Variants in FRYL observed in about 807,000 individuals in gnomAD.
FRYL encodes the protein FRY like transcription coactivator.
A neutral mutation model predicts 351.2 loss-of-function variants in FRYL; 150 were observed. The observed-to-expected ratio is 0.43, with a 90% CI of 0.37 to 0.49. The LOEUF (loss-of-function observed/expected upper bound fraction) is 0.49, where lower values mean the gene tolerates loss of function less well. Ranked by LOEUF, FRYL falls within the 20% of genes least tolerant of loss-of-function variation. The pLI is 0.00. For missense variants in FRYL, 3,036 were observed against 3,619.3 expected (o/e 0.84, Z 4.13); for synonymous variants, 1,153 against 1,257.1 (o/e 0.92, Z 1.75).
intron 1 of FRYL, among the ~76,000 whole-genome samples, chr4:48,763,106 TAAAAAAAAA>T (rs10683757): frequency 1.1e-5 from 1 of 91,536 alleles, no homozygotes; most frequent in African/African-American, 4.1e-5. Flanking sequence ...TACAGATCTG[TAAAAAAAAA>T]AAAAAAAAAA....
intron 48 of FRYL, 43 bp downstream of exon 48, chr4:48,535,614 C>CACACACAA: frequency 1.0e-6 from 1 of 981,712 alleles, no homozygotes; most frequent in Non-Finnish European, 1.5e-6. Flanking sequence ...CACACACACA[C>CACACACAA]ATATATATAT....
At chr4:48,674,997 C>T (rs537650606) in intron 3 of FRYL, among the ~76,000 whole-genome samples, 15 of 152,284 alleles carry the variant, frequency 9.9e-5, no homozygotes, top group African/African-American at 3.4e-4. Context: ...GTCTTTTTGC[C>T]TAAAACGAAA....
rs142624166 is a variant in FRYL at position 48,764,210 on chromosome 4, T to C, written c.-384+15868A>G. 4.6e-5 allele frequency among the ~76,000 whole-genome samples: 7 copies of C among 151,864 alleles called. No homozygotes were observed. In the East Asian group the frequency reaches 1.4e-3, roughly 29 times the overall value. On this transcript the variant is annotated intron_variant, in intron 1 of 63. Coordinates refer to ENST00000358350, the MANE Select transcript of FRYL (RefSeq NM_015030.2). ...AATAAATAAATTAAATTCAGTTAAGTTGCAAGATACAAAATCAACAGACAC... is the reference window on the plus strand; with the variant it reads ...AATAAATAAATTAAATTCAGTTAAGCTGCAAGATACAAAATCAACAGACAC...
intron 60 of FRYL, among the ~76,000 whole-genome samples, chr4:48,505,087 T>C (rs1189957580): frequency 6.6e-6 from 1 of 152,184 alleles, no homozygotes; most frequent in Non-Finnish European, 1.5e-5. Context: ...TATAATGCTG[T>C]TGTTTTCACT....
rs145222129 is a variant in FRYL, at chr4:48,658,902, C to T, written c.-80-24412G>A. On this transcript the variant is annotated intron_variant, in intron 3 of 63. Transcript: ENST00000358350. The stretch of plus-strand genomic sequence containing the variant: ...ATCACTTCATATTTTTCTTTGAAAC[C>T]TCATTAAATACCACAACAAAATGCT... Among the ~76,000 whole-genome samples the T allele has an allele frequency of 1.3e-4, 20 of 151,980 alleles. No homozygotes were observed. The East Asian group carries it at 3.9e-3, about 29-fold the overall frequency.
At chr4:48,632,179 T>G (rs1753343931) in intron 4 of FRYL, among the ~76,000 whole-genome samples, 1 of 138,362 alleles carries the variant, frequency 7.2e-6, no homozygotes, top group South Asian at 2.3e-4. Flanking sequence ...AATTGAGAAC[T>G]GGTAGGACTG....
At chr4:48,565,415 T>C (rs1736558888) in intron 29 of FRYL, 116 bp downstream of exon 29, 1 of 677,676 alleles carries the variant, frequency 1.5e-6, no homozygotes, top group Admixed American at 3.8e-5. Flanking sequence ...GTTTTGAATA[T>C]GGCAGAAAAA....
At position 48,547,769 on chromosome 4, in the gene FRYL, C is replaced by A; in HGVS notation, c.4889G>T (p.Gly1630Val). ...LHLLLHAIFI[G>V]FDHCHPEVYE... ...CACCTCAGGGTGGCAGTGGTCAAAC[C>A]CTAAAAAGGATAGTAGAGAAACATT... The change falls in exon 41 of 64, where the codon GGG becomes GTG. Residue 1630 changes from glycine (G) to valine (V), a missense_variant and splice_region_variant. Physicochemically the swap from Gly to Val is moderately radical, Grantham distance 109. This residue lies in a region of FRYL where 1,987 missense variants were observed against 2,311.7 expected (regional missense o/e 0.86). Transcript: ENST00000358350. 6.8e-6 allele frequency: 10 copies of A among 1,464,376 alleles called. No homozygotes were observed. The highest frequency in any genetic ancestry group is 4.6e-5 in the South Asian group (3 of 64,610). 90.7% of individuals were successfully genotyped at this position (1,464,376 alleles called of 1,614,324 possible).
chr4:48,607,484 TAA>T (rs948737680), intron 9 of FRYL, among the ~76,000 whole-genome samples: 7 of 152,342 alleles, frequency 4.6e-5, no homozygotes, highest in African/African-American at 1.4e-4. Flanking sequence ...GTAAAATGGA[TAA>T]AGTCTTTCCA....
chr4:48,713,956 G>A (rs1319376326), intron 1 of FRYL, among the ~76,000 whole-genome samples: 2 of 151,924 alleles, frequency 1.3e-5, no homozygotes. Context: ...TAGAACTCAG[G>A]ATTAAGAAAC....
At chr4:48,518,974 C>T (rs1358424084) in intron 55 of FRYL, among the ~76,000 whole-genome samples, 7 of 152,220 alleles carry the variant, frequency 4.6e-5, no homozygotes, top group African/African-American at 9.6e-5. Flanking sequence ...GTGCCTAGCA[C>T]GAGGTAGCGC....
intron 1 of FRYL, among the ~76,000 whole-genome samples, chr4:48,764,180 A>G (rs956432747): frequency 2.6e-5 from 4 of 152,082 alleles, no homozygotes; most frequent in African/African-American, 9.7e-5. Context: ...AAAAATAAAT[A>G]AATAAATAAA....
chr4:48,648,394 C>T (rs929904938), intron 3 of FRYL, among the ~76,000 whole-genome samples: 1 of 152,184 alleles, frequency 6.6e-6, no homozygotes, highest in Non-Finnish European at 1.5e-5. Context: ...CCAGCCAAAC[C>T]GGCCATTCCC....
intron 3 of FRYL, among the ~76,000 whole-genome samples, chr4:48,662,765 G>GAAAAAA (rs57746767): frequency 1.5e-5 from 2 of 131,618 alleles, no homozygotes; most frequent in African/African-American, 2.8e-5. Context: ...ATCTCCTGAA[G>GAAAAAA]AAAAAAAAAA....
At chr4:48,653,716 C>T (rs1026941921) in intron 3 of FRYL, 1 of 1,289,956 alleles carries the variant, frequency 7.8e-7, no homozygotes, top group African/African-American at 1.5e-5. Context: ...ATACTTACAG[C>T]TGCTGCTCCA....
At chr4:48,514,946 AC>A in intron 56 of FRYL, 81 bp downstream of exon 56, 1 of 1,196,138 alleles carries the variant, frequency 8.4e-7, no homozygotes, top group Non-Finnish European at 1.2e-6. Context: ...AAGTAAGTAA[AC>A]TGAAACAGAG....
chr4:48,590,604 AT>A, intron 17 of FRYL, 54 bp downstream of exon 17: 2 of 1,295,522 alleles, frequency 1.5e-6, no homozygotes, highest in South Asian at 1.5e-5. Flanking sequence ...TCAGACTTTT[AT>A]AAAAGAATAT....
rs1718703516 is a variant in FRYL at position 48,497,554 on chromosome 4, T to C, written c.*1868A>G. 1 of 152,582 alleles carries C rather than the reference T, an allele frequency of 6.6e-6. No homozygotes were observed. The highest frequency in any genetic ancestry group is 1.5e-5 in the Non-Finnish European group (1 of 68,038). 9.5% of individuals were successfully genotyped at this position (152,582 alleles called of 1,614,324 possible). A position where few individuals can be genotyped will look rare whatever the true frequency, so the allele number is the denominator to read the frequency against. The stretch of plus-strand genomic sequence containing the variant: ...TGTAATCATTCATTCTTTGTTAAAA[T>C]ACAACACAAACCAACAGCTACAATG... On this transcript the variant is annotated 3_prime_UTR_variant, in exon 64 of 64. Coordinates refer to ENST00000358350, the MANE Select transcript of FRYL (RefSeq NM_015030.2).
chr4:48,688,811 T>G (rs1765414279), intron 2 of FRYL, among the ~76,000 whole-genome samples: 1 of 151,942 alleles, frequency 6.6e-6, no homozygotes, highest in Non-Finnish European at 1.5e-5. Flanking sequence ...TACAGGCGTG[T>G]GCCACCATGC....
Sources: gnomAD v4.1 joint callset for allele counts (sites outside exome capture counted in the v4.1 genomes callset) on GRCh38, gnomAD v4.1.1 for gene constraint, gnomAD v4.1.1 regional missense constraint, MANE v1.5 for transcripts, NCBI Gene and HGNC (gene_info 2026-07-23, HGNC 2026-07-21) for gene names.